The following RALGPS1 variants were observed in gnomAD, a reference collection of about 807,000 sequenced individuals.
RALGPS1 encodes Ral GEF with PH domain and SH3 binding motif 1, also known as ras-specific guanine nucleotide-releasing factor RalGPS1.
Under a neutral mutation model 78.8 loss-of-function variants are expected in RALGPS1, and 19 were observed. That is an observed-to-expected ratio of 0.24 (90% CI 0.17 to 0.35). The LOEUF is 0.35. Ranked by LOEUF, RALGPS1 falls within the 10% of genes least tolerant of loss-of-function variation. RALGPS1 has a pLI of 1.00. For synonymous variants in RALGPS1, 228 were observed against 256.3 expected (o/e 0.89, Z 1.06); for missense variants, 454 against 688.3 (o/e 0.66, Z 3.81).
At chr9:127,210,964 T>A (rs2062220384) in intron 14 of RALGPS1, among the ~76,000 whole-genome samples, 1 of 152,092 alleles carries the variant, frequency 6.6e-6, no homozygotes, top group Admixed American at 6.5e-5. Context: ...AGGGGGAGCT[T>A]ACTTGGTTCG....
At chr9:126,948,520 C>G (rs1311598356) in intron 1 of RALGPS1, among the ~76,000 whole-genome samples, 1 of 151,996 alleles carries the variant, frequency 6.6e-6, no homozygotes, top group Non-Finnish European at 1.5e-5. Flanking sequence ...AACTCCATCT[C>G]AAAAAGAAAA....
chr9:127,039,204 G>A (rs550310568), intron 5 of RALGPS1, among the ~76,000 whole-genome samples: 2 of 152,152 alleles, frequency 1.3e-5, no homozygotes, highest in Non-Finnish European at 2.9e-5. Context: ...TAAGGGATGG[G>A]CAGAGGAGAG....
intron 7 of RALGPS1, among the ~76,000 whole-genome samples, chr9:127,060,282 A>G (rs915969303): frequency 2.0e-5 from 3 of 152,148 alleles, no homozygotes; most frequent in Non-Finnish European, 4.4e-5. Flanking sequence ...CCTAGCCTGA[A>G]CCTCATGCAG....
rs541753268 is a variant in RALGPS1, at chr9:127,183,675, T to G, written c.910+8893T>G. ...GAGACTCCGCCTGACTATGTGTGAGTAGAAAAAGAGAACAGCCAGGGGCAA... is the reference window on the plus strand; with the variant it reads ...GAGACTCCGCCTGACTATGTGTGAGGAGAAAAAGAGAACAGCCAGGGGCAA... On this transcript the variant is annotated intron_variant, in intron 11 of 18. Coordinates refer to ENST00000259351, the MANE Select transcript of RALGPS1 (RefSeq NM_014636.3). This position sits in a 1 kb window ranked among gnomAD's most constrained non-coding sequence, Gnocchi z 4.0. Among the ~76,000 whole-genome samples the G allele has an allele frequency of 6.6e-6, 1 of 151,786 alleles. No individual in the cohort carries two copies.
intron 4 of RALGPS1, among the ~76,000 whole-genome samples, chr9:127,005,717 A>C (rs1056710196): frequency 6.6e-6 from 1 of 152,210 alleles, no homozygotes; most frequent in African/African-American, 2.4e-5. Flanking sequence ...AGGAAAACTC[A>C]CAAAACAGAG....
intron 11 of RALGPS1, among the ~76,000 whole-genome samples, chr9:127,175,010 G>C (rs1438992100): frequency 6.6e-6 from 1 of 152,204 alleles, no homozygotes; most frequent in African/African-American, 2.4e-5. Flanking sequence ...GAGTGTTAGA[G>C]CCTGGGCCTG....
intron 1 of RALGPS1, among the ~76,000 whole-genome samples, chr9:126,941,169 G>T (rs1305915581): frequency 1.3e-5 from 2 of 151,966 alleles, no homozygotes; most frequent in African/African-American, 4.8e-5. Flanking sequence ...CTAGTTGTGG[G>T]GGGGGGTTGT....
At chr9:126,952,147 G>C (rs485047) in intron 1 of RALGPS1, among the ~76,000 whole-genome samples, 110,512 of 152,132 alleles carry the variant, frequency 0.73, 40,357 homozygotes, top group East Asian at 0.82. Flanking sequence ...AAGTTCTATC[G>C]CTTGTTCCTA....
intron 4 of RALGPS1, among the ~76,000 whole-genome samples, chr9:126,979,757 C>T (rs1251618137): frequency 6.6e-6 from 1 of 152,190 alleles, no homozygotes; most frequent in African/African-American, 2.4e-5. Context: ...CAAGTTGTGA[C>T]AAGACGTTAG....
chr9:127,033,235 T>G (rs1338432482), intron 4 of RALGPS1, among the ~76,000 whole-genome samples: 1 of 152,184 alleles, frequency 6.6e-6, no homozygotes, highest in African/African-American at 2.4e-5. Flanking sequence ...CTCTGGCTGG[T>G]TCCTCTGTGT....
chr9:127,049,716 C>A (rs78384953), intron 5 of RALGPS1, among the ~76,000 whole-genome samples: 2 of 152,314 alleles, frequency 1.3e-5, no homozygotes, highest in East Asian at 3.9e-4. Flanking sequence ...AGCAGGAATT[C>A]AGTCTGATTC....
chr9:127,186,518 T>G (rs998007718), intron 11 of RALGPS1, among the ~76,000 whole-genome samples: 1 of 152,224 alleles, frequency 6.6e-6, no homozygotes, highest in Non-Finnish European at 1.5e-5. Context: ...GTGTCCCTGG[T>G]GCTGTCACGT....
chr9:127,030,418 T>C (rs2046327349), intron 4 of RALGPS1, among the ~76,000 whole-genome samples: 1 of 152,088 alleles, frequency 6.6e-6, no homozygotes, highest in South Asian at 2.1e-4. Flanking sequence ...GAACACAGTG[T>C]GCAAAGGCAA....
intron 1 of RALGPS1, among the ~76,000 whole-genome samples, chr9:126,945,245 C>G (rs1057134164): frequency 2.0e-4 from 30 of 152,204 alleles, no homozygotes; most frequent in African/African-American, 6.3e-4. Flanking sequence ...GTCACCCAGG[C>G]TGGAGTGCGG....
At chr9:127,101,579 CAAT>C (rs1319644344) in intron 8 of RALGPS1, among the ~76,000 whole-genome samples, 2 of 152,122 alleles carry the variant, frequency 1.3e-5, no homozygotes, top group African/African-American at 4.8e-5. Context: ...AGCTGAGAAC[CAAT>C]AATAATAAAT....
At chr9:126,972,364 C>T (rs971469962) in intron 3 of RALGPS1, among the ~76,000 whole-genome samples, 1 of 152,152 alleles carries the variant, frequency 6.6e-6, no homozygotes, top group Non-Finnish European at 1.5e-5. Flanking sequence ...TACTTTTGAA[C>T]AAACTACACT....
intron 4 of RALGPS1, among the ~76,000 whole-genome samples, chr9:127,001,286 CA>C (rs58413062): frequency 0.026 from 2,502 of 97,354 alleles, 56 homozygotes; most frequent in African/African-American, 0.068. Context: ...GACTCTGTCT[CA>C]AAAAAAAAAA....
At chr9:127,036,109 G>A (rs75981611) in intron 5 of RALGPS1, among the ~76,000 whole-genome samples, 2 of 152,182 alleles carry the variant, frequency 1.3e-5, no homozygotes, top group East Asian at 1.9e-4. Context: ...GTGAACAATT[G>A]TGTTGTGTCC....
chr9:127,008,973 TG>T (rs925509861), intron 4 of RALGPS1, among the ~76,000 whole-genome samples: 13 of 152,246 alleles, frequency 8.5e-5, no homozygotes, highest in African/African-American at 2.9e-4. Context: ...CCCAATTCTA[TG>T]GCTTTAGAAA....
Sources: allele counts gnomAD v4.1 joint callset (sites outside exome capture counted in the v4.1 genomes callset), GRCh38; gene constraint gnomAD v4.1.1; non-coding constraint Gnocchi (gnomAD v3.1); transcripts MANE v1.5; gene names NCBI Gene and HGNC (gene_info 2026-07-23, HGNC 2026-07-21).